The following SNTG1 variants were observed in gnomAD, a reference collection of about 807,000 sequenced individuals.
The protein encoded by SNTG1 is gamma-1-syntrophin.
In SNTG1, 39 loss-of-function variants were observed where a neutral mutation model predicts 74.7. The ratio of observed to expected loss-of-function variants is 0.52; its 90% CI spans 0.40 to 0.68. The LOEUF is 0.68. SNTG1 is among the 30% of genes least tolerant of loss of function. SNTG1 has a pLI of 0.00. For synonymous variants in SNTG1, 254 were observed against 217.1 expected (o/e 1.17, Z -1.49); for missense variants, 685 against 609.5 (o/e 1.12, Z -1.30).
chr8:50,553,251 C>A, intron 12 of SNTG1, 72 bp downstream of exon 12: 1 of 1,560,152 alleles, frequency 6.4e-7, no homozygotes, highest in Non-Finnish European at 8.8e-7. Flanking sequence ...ATATATGTAA[C>A]TTCACATCAA....
intron 15 of SNTG1, among the ~76,000 whole-genome samples, chr8:50,679,689 A>G (rs1470123495): frequency 2.6e-5 from 4 of 152,162 alleles, no homozygotes; most frequent in Non-Finnish European, 5.9e-5. Flanking sequence ...CCTTAGTCCA[A>G]ATAGGCATTA....
intron 1 of SNTG1, among the ~76,000 whole-genome samples, chr8:50,003,751 C>T (rs1309504231): frequency 2.6e-5 from 4 of 152,038 alleles, no homozygotes; most frequent in Non-Finnish European, 5.9e-5. Context: ...GTTAATGCCT[C>T]TAGGGGGAAT....
At chr8:50,644,738 T>C (rs2095096298) in intron 13 of SNTG1, among the ~76,000 whole-genome samples, 1 of 152,154 alleles carries the variant, frequency 6.6e-6, no homozygotes, top group African/African-American at 2.4e-5. Context: ...GAGATACATG[T>C]ACCCTCCCTT....
At chr8:50,496,193 T>A (rs1171074357) in intron 8 of SNTG1, among the ~76,000 whole-genome samples, 1 of 152,084 alleles carries the variant, frequency 6.6e-6, no homozygotes, top group Non-Finnish European at 1.5e-5. Flanking sequence ...GTGGGATGAG[T>A]CCAATATCTA....
chr8:50,385,294 T>C (rs1239131090), intron 2 of SNTG1, among the ~76,000 whole-genome samples: 1 of 152,198 alleles, frequency 6.6e-6, no homozygotes, highest in African/African-American at 2.4e-5. Flanking sequence ...ATGAGGAATA[T>C]GTTGCCTCCA....
At chr8:50,640,226 T>G (rs1177471146) in intron 13 of SNTG1, among the ~76,000 whole-genome samples, 2 of 152,168 alleles carry the variant, frequency 1.3e-5, no homozygotes, top group East Asian at 3.8e-4. Context: ...ATGGCTTTTC[T>G]TGATTTCCTC....
intron 2 of SNTG1, among the ~76,000 whole-genome samples, chr8:50,256,647 A>G (rs143261618): frequency 5.6e-4 from 86 of 152,214 alleles, no homozygotes; most frequent in African/African-American, 2.0e-3. Flanking sequence ...ATATTTTGTA[A>G]GAAAATTTTA....
At chr8:50,430,792 A>G (rs564408912) in intron 4 of SNTG1, among the ~76,000 whole-genome samples, 1 of 152,348 alleles carries the variant, frequency 6.6e-6, no homozygotes, top group Admixed American at 6.5e-5. Flanking sequence ...GGCAAGAATG[A>G]CATGTTCTTA....
chr8:50,444,482 G>T (rs1256741128), intron 5 of SNTG1, among the ~76,000 whole-genome samples: 1 of 152,088 alleles, frequency 6.6e-6, no homozygotes, highest in Non-Finnish European at 1.5e-5. Context: ...GACAGGCACA[G>T]GGCTCACACT....
chr8:50,440,082 C>T (rs1038025780), intron 5 of SNTG1, among the ~76,000 whole-genome samples: 2 of 151,278 alleles, frequency 1.3e-5, no homozygotes, highest in African/African-American at 2.4e-5. Flanking sequence ...TCAATCCAAT[C>T]AAAACTATTG....
chr8:50,397,153 T>C (rs2092737984), intron 3 of SNTG1, among the ~76,000 whole-genome samples: 1 of 152,240 alleles, frequency 6.6e-6, no homozygotes, highest in South Asian at 2.1e-4. Flanking sequence ...TTTAAAATTA[T>C]GTTTGGTGTA....
chr8:49,966,420 A>T (rs1189151520), intron 1 of SNTG1, among the ~76,000 whole-genome samples: 1 of 149,948 alleles, frequency 6.7e-6, no homozygotes, highest in Non-Finnish European at 1.5e-5. Flanking sequence ...TTTTTGACAG[A>T]GTCTCGGTCT....
chr8:50,492,744 G>C (rs115471123), intron 8 of SNTG1, among the ~76,000 whole-genome samples: 2 of 152,178 alleles, frequency 1.3e-5, no homozygotes, highest in East Asian at 1.9e-4. Flanking sequence ...TTAATGAGAC[G>C]TATTTGTCAA....
intron 1 of SNTG1, among the ~76,000 whole-genome samples, chr8:50,000,723 T>C (rs896639898): frequency 3.3e-5 from 5 of 152,226 alleles, no homozygotes; most frequent in African/African-American, 1.2e-4. Context: ...GTATCTGTGC[T>C]TTACAAATGT....
At chr8:50,105,746 T>C (rs1331749226) in intron 1 of SNTG1, among the ~76,000 whole-genome samples, 3 of 152,074 alleles carry the variant, frequency 2.0e-5, no homozygotes, top group Admixed American at 2.0e-4. Context: ...GAAATTTCGC[T>C]TTCCTGGTTA....
At chr8:50,526,622 T>C (rs1346338565) in intron 9 of SNTG1, among the ~76,000 whole-genome samples, 1 of 143,510 alleles carries the variant, frequency 7.0e-6, no homozygotes, top group Non-Finnish European at 1.5e-5. Flanking sequence ...TGTGTGTGTG[T>C]ATACACAAAC....
At chr8:49,923,556 G>A (rs943290531) in intron 1 of SNTG1, among the ~76,000 whole-genome samples, 3 of 152,028 alleles carry the variant, frequency 2.0e-5, no homozygotes, top group Admixed American at 6.6e-5. Flanking sequence ...GCCTTTTCAC[G>A]TTTATAAAGG....
chr8:49,938,740 A>C (rs1053989065), intron 1 of SNTG1, among the ~76,000 whole-genome samples: 1 of 129,604 alleles, frequency 7.7e-6, no homozygotes, highest in Non-Finnish European at 1.7e-5. Flanking sequence ...ACAAGAGTTT[A>C]TTTTTTTCCT....
intron 2 of SNTG1, among the ~76,000 whole-genome samples, chr8:50,389,730 T>G (rs975620837): frequency 7.2e-5 from 11 of 152,194 alleles, no homozygotes; most frequent in African/African-American, 2.7e-4. Context: ...TTTCTCCACA[T>G]CCTCTCCAGC....
Sources: allele counts gnomAD v4.1 joint callset (sites outside exome capture counted in the v4.1 genomes callset), GRCh38; gene constraint gnomAD v4.1.1; transcripts MANE v1.5; gene names NCBI Gene and HGNC (gene_info 2026-07-23, HGNC 2026-07-21).